PCDH15: variants seen among roughly 807,000 people sequenced by gnomAD.
PCDH15 encodes protocadherin related 15.
PCDH15 carries 129 observed loss-of-function variants against 178.5 expected under a neutral mutation model. That is an observed-to-expected ratio of 0.72 (90% confidence interval 0.63 to 0.84). The LOEUF is 0.84. Ranked by LOEUF, PCDH15 falls within the 40% of genes least tolerant of loss-of-function variation. The probability of loss-of-function intolerance (pLI) is 0.00; values close to 1 mark genes in which losing one functional copy is unlikely to be tolerated. For missense variants in PCDH15, 2,230 were observed against 2,099.9 expected, an observed-to-expected ratio of 1.06 and a Z score of -1.21; for synonymous variants, 800 against 732.0, an observed-to-expected ratio of 1.09 and a Z score of -1.50.
chr10:55,214,587 A>G (rs926617195), intron 1 of PCDH15, among the ~76,000 whole-genome samples: 2 of 151,210 alleles, frequency 1.3e-5, no homozygotes, highest in Non-Finnish European at 2.9e-5. Context: ...AAAGGGTTAC[A>G]TTTTCCTGGC....
At chr10:54,312,560 C>T (rs1280658753) in intron 8 of PCDH15, among the ~76,000 whole-genome samples, 2 of 152,036 alleles carry the variant, frequency 1.3e-5, no homozygotes, top group Non-Finnish European at 2.9e-5. Flanking sequence ...TCTTGGGAAG[C>T]TTGTTGTGAC....
intron 13 of PCDH15, among the ~76,000 whole-genome samples, chr10:54,158,634 A>C (rs1192171268): frequency 6.6e-6 from 1 of 152,204 alleles, no homozygotes; most frequent in Non-Finnish European, 1.5e-5. Flanking sequence ...ATACAGCTTG[A>C]TATAAAAGGA....
intron 5 of PCDH15, among the ~76,000 whole-genome samples, chr10:54,356,625 T>C (rs1038483645): frequency 6.6e-6 from 1 of 151,854 alleles, no homozygotes; most frequent in African/African-American, 2.4e-5. Flanking sequence ...TATTTATCAA[T>C]TAGTAAGAGG....
At chr10:54,518,858 G>T (rs370732948) in intron 3 of PCDH15, among the ~76,000 whole-genome samples, 7 of 152,068 alleles carry the variant, frequency 4.6e-5, no homozygotes, top group Non-Finnish European at 7.4e-5. Context: ...AAAAGCTTAT[G>T]CACCATGATC....
chr10:54,905,212 CA>C (rs1954699079), intron 2 of PCDH15, among the ~76,000 whole-genome samples: 1 of 151,618 alleles, frequency 6.6e-6, no homozygotes, highest in Non-Finnish European at 1.5e-5. Context: ...AGAATAATAT[CA>C]AAAGTATTTC....
chr10:55,511,167 G>C (rs992486148), intron 2 of PCDH15, among the ~76,000 whole-genome samples: 1 of 151,312 alleles, frequency 6.6e-6, no homozygotes, highest in African/African-American at 2.4e-5. Context: ...GTCACCACAC[G>C]TCTTATTTTA....
chr10:53,880,887 T>G (rs1328005433), intron 26 of PCDH15, among the ~76,000 whole-genome samples: 1 of 152,128 alleles, frequency 6.6e-6, no homozygotes, highest in Non-Finnish European at 1.5e-5. Flanking sequence ...CATGTTAATA[T>G]AAACAACCCT....
chr10:54,314,627 G>A (rs773029961), intron 8 of PCDH15, among the ~76,000 whole-genome samples: 9 of 152,000 alleles, frequency 5.9e-5, no homozygotes, highest in South Asian at 2.1e-4. Context: ...AGATTATTGC[G>A]TCACCCAGTT....
intron 2 of PCDH15, among the ~76,000 whole-genome samples, chr10:55,156,759 A>AC (rs1838901881): frequency 6.6e-6 from 1 of 152,158 alleles, no homozygotes; most frequent in African/African-American, 2.4e-5. Context: ...AAGCTAAGTC[A>AC]ATAAGCCCTA....
At chr10:54,881,509 A>T (rs902867566) in intron 3 of PCDH15, among the ~76,000 whole-genome samples, 5 of 151,986 alleles carry the variant, frequency 3.3e-5, no homozygotes, top group Admixed American at 1.3e-4. Context: ...GAAGTTCCTC[A>T]CTCATGATTT....
chr10:55,022,774 G>A (rs1475153519), intron 2 of PCDH15, among the ~76,000 whole-genome samples: 2 of 137,122 alleles, frequency 1.5e-5, no homozygotes, highest in African/African-American at 2.7e-5. Flanking sequence ...GCAGTGGCGC[G>A]ATCTCGGCTC....
intron 2 of PCDH15, among the ~76,000 whole-genome samples, chr10:55,126,718 G>T (rs1837908716): frequency 6.6e-6 from 1 of 151,938 alleles, no homozygotes; most frequent in Non-Finnish European, 1.5e-5. Context: ...AATATTTCTA[G>T]ACATAGATAT....
At chr10:54,510,945 C>G (rs1366430967) in intron 3 of PCDH15, among the ~76,000 whole-genome samples, 2 of 152,078 alleles carry the variant, frequency 1.3e-5, no homozygotes, top group Non-Finnish European at 2.9e-5. Flanking sequence ...TGAACATCGA[C>G]CACTGGTGAA....
intron 2 of PCDH15, among the ~76,000 whole-genome samples, chr10:55,584,266 C>A (rs1842680540): frequency 6.6e-6 from 1 of 151,790 alleles, no homozygotes; most frequent in Admixed American, 6.6e-5. Context: ...AAAGTCAAGT[C>A]TCACCAGATG....
Position 54,329,693 on chromosome 10 carries a change from G to A in PCDH15, c.608C>T (p.Thr203Ile), listed in dbSNP as rs1939019769. The change falls in exon 7 of 38, where the codon ACC becomes ATC. Residue 203 changes from threonine (T) to isoleucine (I), a missense_variant. Thr to Ile is a moderately conservative substitution (Grantham distance 89). Coordinates refer to ENST00000644397, the MANE Select transcript of PCDH15 (RefSeq NM_001384140.1). ...YNPDDPTSND[T>I]FEIPLMLTGN... ...AGTCAACATTAGGGGAATTTCAAAGGTGTCATTGGATGTCTGCAAATATTA... is the reference window on the plus strand; with the variant it reads ...AGTCAACATTAGGGGAATTTCAAAGATGTCATTGGATGTCTGCAAATATTA... The A allele has an allele frequency of 1.3e-6, 2 of 1,592,004 alleles. No homozygotes were observed. The highest frequency in any genetic ancestry group is 2.2e-5 in the East Asian group (1 of 44,666).
intron 2 of PCDH15, among the ~76,000 whole-genome samples, chr10:54,934,386 C>T (rs1213887411): frequency 6.6e-6 from 1 of 152,082 alleles, no homozygotes; most frequent in East Asian, 1.9e-4. Context: ...TCTGAAAATA[C>T]TAAAAATTTT....
At chr10:55,168,244 C>T (rs1054317998) in intron 1 of PCDH15, among the ~76,000 whole-genome samples, 1 of 152,132 alleles carries the variant, frequency 6.6e-6, no homozygotes, top group African/African-American at 2.4e-5. Flanking sequence ...TCCCCGACCC[C>T]AAGCCCAGTG....
chr10:54,471,644 AT>A (rs2077926484), intron 3 of PCDH15, among the ~76,000 whole-genome samples: 1 of 151,240 alleles, frequency 6.6e-6, no homozygotes, highest in Non-Finnish European at 1.5e-5. Flanking sequence ...TTTTATTTAT[AT>A]TTTTTGATTT....
At chr10:55,512,942 A>G (rs1840919853) in intron 2 of PCDH15, 1 of 152,116 alleles carries the variant, frequency 6.6e-6, no homozygotes, top group Non-Finnish European at 1.5e-5. Context: ...CTAAATCTTT[A>G]ACTCGTTTTA....
Sources: allele counts gnomAD v4.1 joint callset (sites outside exome capture counted in the v4.1 genomes callset), GRCh38; gene constraint gnomAD v4.1.1; transcripts MANE v1.5; gene names NCBI Gene and HGNC (gene_info 2026-07-23, HGNC 2026-07-21).